SEMA5A: variants seen among roughly 807,000 people sequenced by gnomAD.
SEMA5A encodes the protein semaphorin 5A.
In SEMA5A, 55 loss-of-function variants were observed where a neutral mutation model predicts 135.5. The observed-to-expected ratio is 0.41, with a 90% CI of 0.33 to 0.51. The LOEUF (loss-of-function observed/expected upper bound fraction) is 0.51, where lower values mean the gene tolerates loss of function less well. SEMA5A is among the 20% of genes least tolerant of loss of function. The probability of loss-of-function intolerance (pLI) is 0.37; values close to 1 mark genes in which losing one functional copy is unlikely to be tolerated. For synonymous variants in SEMA5A, 580 were observed against 546.5 expected (o/e 1.06, Z -0.85); for missense variants, 1,290 against 1,419.9 (o/e 0.91, Z 1.47).
intron 6 of SEMA5A, among the ~76,000 whole-genome samples, chr5:9,234,414 A>G (rs1747795417): frequency 6.6e-6 from 1 of 152,204 alleles, no homozygotes; most frequent in Non-Finnish European, 1.5e-5. Context: ...AGGAACTTAT[A>G]AAGGTGGGTG....
chr5:9,090,659 C>G (rs1738981394), intron 16 of SEMA5A, among the ~76,000 whole-genome samples: 1 of 152,172 alleles, frequency 6.6e-6, no homozygotes, highest in Admixed American at 6.5e-5. Context: ...ACTCATGGAG[C>G]AGCTACTTTA....
intron 10 of SEMA5A, among the ~76,000 whole-genome samples, chr5:9,192,364 T>C (rs955153840): frequency 3.3e-5 from 5 of 152,246 alleles, no homozygotes; most frequent in African/African-American, 1.2e-4. Context: ...AAAGCATTTG[T>C]AAATTAACTG....
At chr5:9,270,666 A>T (rs2150537947) in intron 5 of SEMA5A, among the ~76,000 whole-genome samples, 1 of 152,036 alleles carries the variant, frequency 6.6e-6, no homozygotes, top group African/African-American at 2.4e-5. Flanking sequence ...AGAAAGCAGC[A>T]GCCCAGATTT....
At chr5:9,414,941 T>A (rs550838572) in intron 2 of SEMA5A, among the ~76,000 whole-genome samples, 1 of 152,320 alleles carries the variant, frequency 6.6e-6, no homozygotes, top group African/African-American at 2.4e-5. Context: ...ATGTCCGCTA[T>A]AAATATCACT....
At chr5:9,072,611 G>A (rs1225290554) in intron 16 of SEMA5A, among the ~76,000 whole-genome samples, 3 of 152,132 alleles carry the variant, frequency 2.0e-5, no homozygotes, top group Non-Finnish European at 4.4e-5. Flanking sequence ...TAATTCAAGG[G>A]TCATTGGTTG....
intron 1 of SEMA5A, among the ~76,000 whole-genome samples, chr5:9,449,161 T>C (rs1579558967): frequency 6.6e-6 from 1 of 152,182 alleles, no homozygotes. Context: ...AGACATGGAA[T>C]AAACATAAAT....
chr5:9,471,003 G>A (rs972124274), intron 1 of SEMA5A, among the ~76,000 whole-genome samples: 2 of 152,144 alleles, frequency 1.3e-5, no homozygotes, highest in African/African-American at 4.8e-5. Flanking sequence ...TTATGATAAG[G>A]AGGGCTTTCT....
intron 1 of SEMA5A, among the ~76,000 whole-genome samples, chr5:9,448,960 T>C (rs1172690639): frequency 6.6e-6 from 1 of 152,206 alleles, no homozygotes; most frequent in Non-Finnish European, 1.5e-5. Context: ...AGAACAACAG[T>C]TTGGTTGGTG....
intron 1 of SEMA5A, among the ~76,000 whole-genome samples, chr5:9,514,139 A>G (rs1395444711): frequency 6.6e-6 from 1 of 151,970 alleles, no homozygotes; most frequent in Non-Finnish European, 1.5e-5. Flanking sequence ...ACAAGGGAGG[A>G]GCAGGGCATC....
intron 6 of SEMA5A, 67 bp downstream of exon 6, chr5:9,237,761 C>T (rs1561058075): frequency 7.1e-7 from 1 of 1,402,536 alleles, no homozygotes; most frequent in Non-Finnish European, 1.0e-6. Flanking sequence ...TTCATATCAA[C>T]ATGCTTTATA....
intron 2 of SEMA5A, among the ~76,000 whole-genome samples, chr5:9,432,139 C>T (rs1253920211): frequency 4.0e-5 from 6 of 148,776 alleles, no homozygotes; most frequent in African/African-American, 1.5e-4. Context: ...CTTTGGTAAG[C>T]GGAGTGAAAT....
chr5:9,265,899 C>G (rs947039960), intron 5 of SEMA5A, among the ~76,000 whole-genome samples: 3 of 152,152 alleles, frequency 2.0e-5, no homozygotes, highest in African/African-American at 7.2e-5. Context: ...CTGAAAAATG[C>G]TAGGCGGAGA....
At chr5:9,429,410 T>C (rs747009845) in intron 2 of SEMA5A, among the ~76,000 whole-genome samples, 4 of 152,202 alleles carry the variant, frequency 2.6e-5, no homozygotes, top group Non-Finnish European at 5.9e-5. Flanking sequence ...CACCTAGGAA[T>C]GGAGCAGTGA....
intron 1 of SEMA5A, among the ~76,000 whole-genome samples, chr5:9,481,666 CT>C (rs1287067717): frequency 1.3e-5 from 2 of 152,014 alleles, no homozygotes; most frequent in Non-Finnish European, 2.9e-5. Flanking sequence ...TCTCCTTTTT[CT>C]TTTTTGGTTC....
chr5:9,284,268 A>G (rs796468364), intron 5 of SEMA5A, among the ~76,000 whole-genome samples: 2 of 152,354 alleles, frequency 1.3e-5, no homozygotes, highest in African/African-American at 4.8e-5. Context: ...AAATGAAAGC[A>G]TATCATAATG....
chr5:9,149,611 T>A (rs1027324075), intron 12 of SEMA5A, among the ~76,000 whole-genome samples: 1 of 152,162 alleles, frequency 6.6e-6, no homozygotes. Flanking sequence ...ACCACTGCAC[T>A]CTAGCCTGGG....
Position 9,042,921 on chromosome 5 carries a change from A to G in SEMA5A, c.3201T>C (p.Asp1067=), listed in dbSNP as rs1157405543. ...GTTAGTACTCATCATAATTATTGAG[A>G]TCTGTAAAGTAGGCATTAGAATAGG... ...GKTYSNAYFT[D]LNNYDEY Residue 1067 remains aspartate, a synonymous_variant, in exon 23 of 23, where the codon GAT becomes GAC. Transcript: ENST00000382496. The G allele has an allele frequency of 6.2e-7, 1 of 1,613,966 alleles. No homozygotes were observed. The highest frequency in any genetic ancestry group is 2.2e-5 in the East Asian group (1 of 44,864).
rs575715390 is a variant in SEMA5A at position 9,227,033 on chromosome 5, A to G, written c.334-66T>C. 100 of 796,910 alleles carry G rather than the reference A, an allele frequency of 1.3e-4. No individual in the cohort carries two copies. The African/African-American group carries it at 1.7e-3, about 14-fold the overall frequency. 49.4% of individuals were successfully genotyped at this position (796,910 alleles called of 1,614,324 possible). A position where few individuals can be genotyped will look rare whatever the true frequency, so the allele number is the denominator to read the frequency against. On this transcript the variant is annotated intron_variant, in intron 6 of 22. Transcript: ENST00000382496. ...TATGTATAATGATAAACATGCTAAC[A>G]AAGTCTGAGCACAAGAAGAATGGTG...
chr5:9,188,267 C>A (rs1291126266), intron 11 of SEMA5A, among the ~76,000 whole-genome samples: 1 of 152,228 alleles, frequency 6.6e-6, no homozygotes, highest in African/African-American at 2.4e-5. Context: ...CCACCATGAT[C>A]TTAGACTTCT....
Sources: allele counts gnomAD v4.1 joint callset (sites outside exome capture counted in the v4.1 genomes callset), GRCh38; gene constraint gnomAD v4.1.1; transcripts MANE v1.5; gene names NCBI Gene and HGNC (gene_info 2026-07-23, HGNC 2026-07-21).